TCERG1L: variants seen among roughly 807,000 people sequenced by gnomAD.
The protein encoded by TCERG1L is transcription elongation regulator 1 like, also known as transcription elongation regulator 1-like protein.
Under a neutral mutation model 56.3 loss-of-function variants are expected in TCERG1L, and 37 were observed. The ratio of observed to expected loss-of-function variants is 0.66; its 90% confidence interval spans 0.51 to 0.87. The LOEUF (loss-of-function observed/expected upper bound fraction) is 0.87. Ranked by LOEUF, TCERG1L falls within the 40% of genes least tolerant of loss-of-function variation. TCERG1L has a pLI of 0.00. For synonymous variants in TCERG1L, 324 were observed against 326.3 expected (o/e 0.99, Z 0.08); for missense variants, 799 against 774.2 (o/e 1.03, Z -0.38).
intron 3 of TCERG1L, among the ~76,000 whole-genome samples, chr10:131,263,804 G>C (rs146101198): frequency 1.9e-4 from 29 of 152,318 alleles, no homozygotes; most frequent in African/African-American, 6.7e-4. Context: ...ATTAACAATG[G>C]CTTCTCCCCT....
chr10:131,108,240 A>C (rs1845374064), intron 9 of TCERG1L, among the ~76,000 whole-genome samples: 1 of 152,196 alleles, frequency 6.6e-6, no homozygotes, highest in Admixed American at 6.5e-5. Context: ...CACCCCAGAA[A>C]TAAGACATCC....
At position 131,203,835 on chromosome 10, in the gene TCERG1L, G is replaced by C. The variant is rs567027033; in HGVS notation, c.857-36950C>G. ...TTTCCACTTCAGACCTCCTCCAAGT[G>C]GGGGGTGGGCATCTTAAGGGGACAG... On this transcript the variant is annotated intron_variant, in intron 4 of 11. Transcript: ENST00000368642. Among the ~76,000 whole-genome samples the C allele has an allele frequency of 2.3e-3, 347 of 152,308 alleles. 1 individual carries two copies. The highest frequency in any genetic ancestry group is 3.9e-3 in the Non-Finnish European group (265 of 68,030).
intron 4 of TCERG1L, among the ~76,000 whole-genome samples, chr10:131,255,396 A>G (rs578015803): frequency 2.0e-5 from 3 of 152,390 alleles, no homozygotes; most frequent in Admixed American, 2.0e-4. Context: ...CATATTGTCT[A>G]GAGATAATGC....
chr10:131,277,251 A>C (rs1160813761), intron 3 of TCERG1L, among the ~76,000 whole-genome samples: 2 of 152,156 alleles, frequency 1.3e-5, no homozygotes, highest in East Asian at 3.9e-4. Context: ...GAGGGCTTAA[A>C]GCTGGAAGGT....
chr10:131,175,753 C>A (rs1012078254), intron 4 of TCERG1L, among the ~76,000 whole-genome samples: 1 of 152,008 alleles, frequency 6.6e-6, no homozygotes, highest in African/African-American at 2.4e-5. Flanking sequence ...CATAGTGAGC[C>A]AAGTAGGACT....
chr10:131,159,478 A>G (rs972061325), intron 6 of TCERG1L, among the ~76,000 whole-genome samples: 1 of 152,066 alleles, frequency 6.6e-6, no homozygotes, highest in African/African-American at 2.4e-5. Context: ...TGTCTGGGCA[A>G]AGACACCCTT....
At chr10:131,257,359 C>A (rs1221288601) in intron 4 of TCERG1L, among the ~76,000 whole-genome samples, 1 of 152,196 alleles carries the variant, frequency 6.6e-6, no homozygotes, top group Non-Finnish European at 1.5e-5. Context: ...AAGAGAAGCC[C>A]GGTTCACGGC....
At chr10:131,283,058 A>T (rs569877856) in intron 3 of TCERG1L, among the ~76,000 whole-genome samples, 1 of 152,354 alleles carries the variant, frequency 6.6e-6, no homozygotes, top group Admixed American at 6.5e-5. Flanking sequence ...TCTTAGAAGA[A>T]TATCTCTTAT....
intron 4 of TCERG1L, among the ~76,000 whole-genome samples, chr10:131,188,665 C>T (rs939108969): frequency 6.6e-6 from 1 of 152,080 alleles, no homozygotes; most frequent in Non-Finnish European, 1.5e-5. Context: ...GGATATTTTT[C>T]GCATGTGTAA....
intron 3 of TCERG1L, among the ~76,000 whole-genome samples, chr10:131,282,935 A>C (rs1385816930): frequency 6.6e-6 from 1 of 152,262 alleles, no homozygotes; most frequent in African/African-American, 2.4e-5. Context: ...TCTTGACCCT[A>C]ACTTTCTAAG....
chr10:131,176,605 G>A (rs576015113), intron 4 of TCERG1L, among the ~76,000 whole-genome samples: 3 of 5,550 alleles, frequency 5.4e-4, no homozygotes, highest in East Asian at 8.9e-3. Flanking sequence ...CACACACACA[G>A]AGACACGTGC....
chr10:131,196,586 C>T (rs572170406), intron 4 of TCERG1L, among the ~76,000 whole-genome samples: 2 of 152,292 alleles, frequency 1.3e-5, no homozygotes, highest in African/African-American at 4.8e-5. Flanking sequence ...ATGATCAGTG[C>T]CTGGACTTTC....
In TCERG1L at chr10:131,177,922, GT is replaced by G. The variant is rs1171938153; in HGVS notation, c.857-11038del. ...CACACAGGAGCCGTCAGCCTCTCGA[GT>G]CCCTGCTGTAGTTTCAAGTCTGTTT... On this transcript the variant is annotated intron_variant, in intron 4 of 11. Transcript: ENST00000368642. Among the ~76,000 whole-genome samples the G allele has an allele frequency of 5.0e-4, 75 of 151,488 alleles. 2 individuals carry two copies. The highest frequency in any genetic ancestry group is 1.5e-5 in the Non-Finnish European group (1 of 67,946).
chr10:131,245,802 T>A (rs898059218), intron 4 of TCERG1L, among the ~76,000 whole-genome samples: 1 of 152,008 alleles, frequency 6.6e-6, no homozygotes, highest in Non-Finnish European at 1.5e-5. Context: ...ACGGGGCCTT[T>A]GTATCAGAGC....
At chr10:131,299,491 T>TGAAGATATATCTTTC (rs1336445807) in intron 3 of TCERG1L, among the ~76,000 whole-genome samples, 2 of 142,014 alleles carry the variant, frequency 1.4e-5, no homozygotes, top group African/African-American at 2.7e-5. Flanking sequence ...TTATATCTTT[T>TGAAGATATATCTTTC]GAAGATATAT....
rs1447979396 is a variant in TCERG1L at position 131,092,855 on chromosome 10, G to A, written c.*307C>T. 4 of 225,710 alleles carry A rather than the reference G, an allele frequency of 1.8e-5. No homozygotes were observed. Among genetic ancestry groups the A allele is most frequent in the African/African-American group, 4.5e-5 (2 of 44,100 alleles). The allele number at this position is 225,710 out of a possible 1,614,324, so 14.0% of individuals were successfully genotyped here. Reference sequence around the variant, plus strand: ...CCTTGAGATTGTTACAGAGGCTCCCGTTCCTGCTTCCCCACAGTCCTGCAG... The same window carrying A: ...CCTTGAGATTGTTACAGAGGCTCCCATTCCTGCTTCCCCACAGTCCTGCAG... On this transcript the variant is annotated 3_prime_UTR_variant, in exon 12 of 12. Transcript: ENST00000368642.
intron 4 of TCERG1L, among the ~76,000 whole-genome samples, chr10:131,228,969 C>T (rs367836209): frequency 1.3e-5 from 1 of 74,516 alleles, no homozygotes; most frequent in Non-Finnish European, 2.6e-5. Context: ...TTCCTCAAGG[C>T]CTCCGGAGTC....
intron 7 of TCERG1L, among the ~76,000 whole-genome samples, chr10:131,142,989 G>C (rs1185496556): frequency 5.3e-5 from 8 of 151,666 alleles, no homozygotes; most frequent in Admixed American, 5.2e-4. Context: ...GCCAGAGAGA[G>C]AAGAGAGAGA....
intron 6 of TCERG1L, among the ~76,000 whole-genome samples, chr10:131,155,626 T>G (rs960459707): frequency 6.6e-6 from 1 of 152,016 alleles, no homozygotes; most frequent in African/African-American, 2.4e-5. Context: ...ATTTCTGATC[T>G]CCCCGCCAGT....
Sources: gnomAD v4.1 joint callset for allele counts (sites outside exome capture counted in the v4.1 genomes callset) on GRCh38, gnomAD v4.1.1 for gene constraint, MANE v1.5 for transcripts, NCBI Gene and HGNC (gene_info 2026-07-23, HGNC 2026-07-21) for gene names.